Variants in SNX8 observed in about 807,000 individuals in gnomAD.
SNX8 encodes the protein sorting nexin 8.
Under a neutral mutation model 51.6 loss-of-function variants are expected in SNX8, and 25 were observed. The observed-to-expected ratio is 0.48, with a 90% CI of 0.35 to 0.68. The LOEUF is 0.68. Among genes scored for constraint, SNX8 ranks in the 30% least tolerant of loss-of-function variants. The pLI is 0.00. For missense variants in SNX8, 695 were observed against 624.0 expected (o/e 1.11, Z -1.21); for synonymous variants, 324 against 277.0 (o/e 1.17, Z -1.68).
rs115925294 is a variant in SNX8, at chr7:2,349,638, T to C, written c.-66+4584A>G. 3.2e-3 allele frequency among the ~76,000 whole-genome samples: 493 copies of C among 152,028 alleles called. 2 individuals carry two copies. Among genetic ancestry groups the C allele is most frequent in the African/African-American group, 0.011 (457 of 41,500 alleles). On this transcript the variant is annotated intron_variant, in intron 1 of 5. Transcript: ENST00000435336. ...TTTTTGTAAAGATGAGATTTCACCA[T>C]GTTGTCTAGGCTGATGTTGAACTCC...
chr7:2,308,535 G>A (rs181613317), intron 1 of SNX8, among the ~76,000 whole-genome samples: 2 of 151,948 alleles, frequency 1.3e-5, no homozygotes, highest in East Asian at 3.9e-4. Flanking sequence ...GGGCATGGTG[G>A]CACACGCCTG....
intron 1 of SNX8, among the ~76,000 whole-genome samples, chr7:2,325,268 A>G (rs1227523394): frequency 6.6e-6 from 1 of 152,152 alleles, no homozygotes; most frequent in East Asian, 1.9e-4. Context: ...AGCCTCCCAA[A>G]GTGCTGGGAC....
chr7:2,267,323 CCCCTCCCCCTCT>C (rs1346075534), intron 5 of SNX8, among the ~76,000 whole-genome samples: 5 of 139,494 alleles, frequency 3.6e-5, no homozygotes, highest in African/African-American at 1.3e-4. Context: ...CCTCCCCCTC[CCCCTCCCCCTCT>C]CCCTCTCCCT....
upstream of SNX8, among the ~76,000 whole-genome samples, chr7:2,317,917 G>A (rs1468717146): frequency 6.6e-6 from 1 of 152,140 alleles, no homozygotes; most frequent in East Asian, 1.9e-4. Flanking sequence ...GCAGGATCCT[G>A]TGACCTCCCC....
intron 3 of SNX8, among the ~76,000 whole-genome samples, chr7:2,273,641 C>T (rs1795702356): frequency 1.3e-5 from 2 of 151,544 alleles, no homozygotes; most frequent in South Asian, 4.2e-4. Flanking sequence ...CGGTGGCTCA[C>T]ACCTGTAATC....
chr7:2,307,537 C>T (rs1329108481), intron 1 of SNX8, among the ~76,000 whole-genome samples: 1 of 146,650 alleles, frequency 6.8e-6, no homozygotes, highest in African/African-American at 2.5e-5. Flanking sequence ...GAGGCTGAGG[C>T]AGAAGACTCG....
chr7:2,269,325 TA>T (rs1299736421), intron 5 of SNX8, among the ~76,000 whole-genome samples: 4 of 150,826 alleles, frequency 2.7e-5, no homozygotes, highest in Admixed American at 6.6e-5. Context: ...GCATGCTCGT[TA>T]AGAGTCATCA....
At chr7:2,291,368 C>T (rs1281724273) in intron 1 of SNX8, among the ~76,000 whole-genome samples, 2 of 151,974 alleles carry the variant, frequency 1.3e-5, no homozygotes, top group African/African-American at 2.4e-5. Context: ...GAGGCCAAGG[C>T]GGGCAGATCA....
Position 2,253,974 on chromosome 7 carries a change from A to G in SNX8, c.*1082T>C, listed in dbSNP as rs4719471. ...GCAGGGGTCCACTGGGCTCCCATGTACCTTCCACAAAAGGGGTTCGGGCAG... is the reference window on the plus strand; with the variant it reads ...GCAGGGGTCCACTGGGCTCCCATGTGCCTTCCACAAAAGGGGTTCGGGCAG... On this transcript the variant is annotated 3_prime_UTR_variant, in exon 11 of 11. Transcript: ENST00000222990. 0.92 allele frequency: 139,660 copies of G among 152,422 alleles called. 64,247 individuals carry two copies. Among genetic ancestry groups the G allele is most frequent in the Non-Finnish European group, 0.96 (65,682 of 68,208 alleles). 9.4% of individuals were successfully genotyped at this position (152,422 alleles called of 1,614,324 possible). A position where few individuals can be genotyped will look rare whatever the true frequency, so the allele number is the denominator to read the frequency against.
intron 1 of SNX8, among the ~76,000 whole-genome samples, chr7:2,297,578 T>A (rs75755598): frequency 0.07 from 3,452 of 49,622 alleles, 1 homozygote; most frequent in East Asian, 0.12. Flanking sequence ...AAAAAAAAAA[T>A]ACCTGCACAT....
rs551374475 is a variant in SNX8, at chr7:2,275,282, G to A, written c.301-53C>T. ...CCGACGTTGGAAACTATGCTGTCGCGTCACTTCCCCTCAACAGAGCCCGGG... is the reference window on the plus strand; with the variant it reads ...CCGACGTTGGAAACTATGCTGTCGCATCACTTCCCCTCAACAGAGCCCGGG... On this transcript the variant is annotated intron_variant, in intron 2 of 10. Coordinates refer to ENST00000222990, the MANE Select transcript of SNX8 (RefSeq NM_013321.4). 50 of 1,222,844 alleles carry A rather than the reference G, an allele frequency of 4.1e-5. No individual in the cohort carries two copies. In the African/African-American group the frequency reaches 6.2e-4, roughly 15 times the overall value. The allele number at this position is 1,222,844 out of a possible 1,614,324, so 75.7% of individuals were successfully genotyped here.
chr7:2,255,584 G>T (rs924187121), intron 10 of SNX8, among the ~76,000 whole-genome samples: 4 of 152,162 alleles, frequency 2.6e-5, no homozygotes, highest in Admixed American at 2.6e-4. Flanking sequence ...CAGAAAATCA[G>T]AAATATGAGT....
intron 1 of SNX8, among the ~76,000 whole-genome samples, chr7:2,311,745 G>A (rs1193452300): frequency 6.6e-6 from 1 of 152,052 alleles, no homozygotes; most frequent in Non-Finnish European, 1.5e-5. Context: ...AGACCATCCT[G>A]GCTAACATGG....
chr7:2,283,442 G>T (rs972064545), intron 1 of SNX8, among the ~76,000 whole-genome samples: 4 of 152,248 alleles, frequency 2.6e-5, no homozygotes, highest in African/African-American at 4.8e-5. Context: ...TCCCCGTGCC[G>T]ATGGAGAGGC....
intron 3 of SNX8, among the ~76,000 whole-genome samples, 192 bp from the exon 4 acceptor site, chr7:2,272,163 A>C (rs1009173508): frequency 1.3e-5 from 2 of 152,098 alleles, no homozygotes; most frequent in Non-Finnish European, 2.9e-5. Flanking sequence ...CCTCACCCCC[A>C]GAGGCCCCCT....
intron 3 of SNX8, among the ~76,000 whole-genome samples, 199 bp from the exon 4 acceptor site, chr7:2,272,170 C>T (rs949036766): frequency 6.6e-6 from 1 of 152,180 alleles, no homozygotes; most frequent in African/African-American, 2.4e-5. Flanking sequence ...CCCAGAGGCC[C>T]CCTCCAGCCA....
upstream of SNX8, among the ~76,000 whole-genome samples, chr7:2,315,989 CCA>C (rs1276809082): frequency 3.5e-5 from 5 of 143,490 alleles, no homozygotes; most frequent in South Asian, 2.3e-4. Context: ...ATTCATTCAC[CCA>C]CACTCACTGC....
rs1480324997 is a variant in SNX8, at chr7:2,256,855, C to A, written c.1284+19G>T. 1.1e-5 allele frequency: 17 copies of A among 1,598,028 alleles called. No homozygotes were observed. The highest frequency in any genetic ancestry group is 1.5e-5 in the Non-Finnish European group (17 of 1,170,592). On this transcript the variant is annotated intron_variant, in intron 10 of 10. Coordinates refer to ENST00000222990, the MANE Select transcript of SNX8 (RefSeq NM_013321.4). ...GAAAGGCCGTGGCCGAGACGGCGGC[C>A]GGAGCAGGGCGGACTCACCTCCTTG... is the stretch of plus-strand genomic sequence containing the variant.
chr7:2,347,207 C>T (rs1361333878), intron 1 of SNX8, among the ~76,000 whole-genome samples: 4 of 151,982 alleles, frequency 2.6e-5, no homozygotes, highest in Non-Finnish European at 4.4e-5. Context: ...TTGGGCTGGG[C>T]GCAGTGGCTC....
Sources: gnomAD v4.1 joint callset for allele counts (sites outside exome capture counted in the v4.1 genomes callset) on GRCh38, gnomAD v4.1.1 for gene constraint, MANE v1.5 for transcripts, NCBI Gene and HGNC (gene_info 2026-07-23, HGNC 2026-07-21) for gene names.